MYT1L: variants seen among roughly 807,000 people sequenced by gnomAD.
MYT1L encodes the protein myelin transcription factor 1-like protein.
Under a neutral mutation model 126.7 loss-of-function variants are expected in MYT1L, and 12 were observed. The observed-to-expected ratio is 0.09, with a 90% CI of 0.06 to 0.15. The LOEUF (loss-of-function observed/expected upper bound fraction) is 0.15, where lower values mean the gene tolerates loss of function less well. MYT1L is among the 10% of genes least tolerant of loss of function. The pLI, the probability that MYT1L is intolerant of heterozygous loss-of-function variation, is 1.00. For synonymous variants in MYT1L, 541 were observed against 604.2 expected (o/e 0.90, Z 1.53); for missense variants, 979 against 1,585.2 (o/e 0.62, Z 6.49).
intron 2 of MYT1L, among the ~76,000 whole-genome samples, chr2:2,262,938 T>TA (rs2095021239): frequency 2.6e-5 from 1 of 37,954 alleles, no homozygotes; most frequent in Non-Finnish European, 5.0e-5. Flanking sequence ...ATATAACCTG[T>TA]GATATATATA....
intron 2 of MYT1L, among the ~76,000 whole-genome samples, chr2:2,210,967 G>A (rs748091295): frequency 6.6e-6 from 1 of 151,898 alleles, no homozygotes; most frequent in Admixed American, 6.6e-5. Context: ...TACTTCCTAT[G>A]TATTTAATTT....
At chr2:2,030,382 T>A (rs1480345789) in intron 4 of MYT1L, among the ~76,000 whole-genome samples, 4 of 152,066 alleles carry the variant, frequency 2.6e-5, no homozygotes, top group Admixed American at 2.6e-4. Context: ...CAGGCAGGAG[T>A]TTTAAATATA....
chr2:2,082,321 T>C (rs1429301215), intron 3 of MYT1L, among the ~76,000 whole-genome samples: 1 of 152,204 alleles, frequency 6.6e-6, no homozygotes, highest in African/African-American at 2.4e-5. Flanking sequence ...CTAACATTGT[T>C]TGAAGTTATG....
chr2:2,280,827 C>T (rs1157988016), intron 2 of MYT1L, among the ~76,000 whole-genome samples: 4 of 152,178 alleles, frequency 2.6e-5, no homozygotes, highest in Non-Finnish European at 4.4e-5. Context: ...AAATTTCATC[C>T]TAAAATATTG....
At chr2:2,064,534 A>G (rs1341458738) in intron 3 of MYT1L, among the ~76,000 whole-genome samples, 1 of 152,198 alleles carries the variant, frequency 6.6e-6, no homozygotes, top group Admixed American at 6.5e-5. Flanking sequence ...TCCCTGAGGG[A>G]GACTGAAAGT....
At chr2:2,199,568 C>T (rs971119575) in intron 2 of MYT1L, among the ~76,000 whole-genome samples, 6 of 152,146 alleles carry the variant, frequency 3.9e-5, no homozygotes, top group South Asian at 2.1e-4. Context: ...ACCCCGTCCT[C>T]GCATTTGATG....
chr2:1,956,654 A>G (rs918117363), intron 8 of MYT1L, among the ~76,000 whole-genome samples: 6 of 151,566 alleles, frequency 4.0e-5, no homozygotes, highest in Admixed American at 1.3e-4. Flanking sequence ...CTATTTATCT[A>G]TCTATCATCT....
At chr2:2,209,861 T>G (rs377101856) in intron 2 of MYT1L, among the ~76,000 whole-genome samples, 1 of 152,190 alleles carries the variant, frequency 6.6e-6, no homozygotes, top group African/African-American at 2.4e-5. Context: ...AGTAGTTTTT[T>G]GAGGAATCTC....
chr2:2,041,887 C>T (rs1403037458), intron 4 of MYT1L, among the ~76,000 whole-genome samples: 25 of 152,180 alleles, frequency 1.6e-4, no homozygotes, highest in Non-Finnish European at 2.9e-5. Flanking sequence ...TTCTTCCTTC[C>T]AGTGAGATTG....
intron 5 of MYT1L, among the ~76,000 whole-genome samples, chr2:1,986,638 G>A (rs968876737): frequency 2.6e-5 from 4 of 152,184 alleles, no homozygotes; most frequent in African/African-American, 9.7e-5. Context: ...ATGAAAAACA[G>A]GTTGCCCAAT....
intron 4 of MYT1L, among the ~76,000 whole-genome samples, chr2:2,033,737 C>T (rs1466339295): frequency 2.0e-5 from 3 of 152,162 alleles, no homozygotes; most frequent in Non-Finnish European, 2.9e-5. Context: ...GATTGGCAAT[C>T]CCCAGCTGTT....
chr2:1,943,273 C>G lies in MYT1L; in HGVS notation c.214G>C (p.Ala72Pro). The G allele has an allele frequency of 6.4e-7, 1 of 1,564,200 alleles. No individual in the cohort carries two copies. Among genetic ancestry groups the G allele is most frequent in the Non-Finnish European group, 8.7e-7 (1 of 1,153,488 alleles). Residue 72 changes from alanine (A) to proline (P), a missense_variant, in exon 9 of 25, where the codon GCT becomes CCT. Physicochemically the swap from Ala to Pro is conservative, Grantham distance 27. Around this residue, in one of 12 missense-constraint regions of MYT1L, gnomAD observed 111 missense variants for 115.9 expected, o/e 0.96. Transcript: ENST00000647738. This position sits in a 1 kb window ranked among gnomAD's most constrained non-coding sequence, Gnocchi z 4.4. ...KTQDKQPQEP[A>P]PKRKPFAVKA... The stretch of plus-strand genomic sequence containing the variant: ...ACGGCAAATGGCTTTCGTTTAGGAG[C>G]AGGTTCCTGGGGCTGTTTATCTTGT...
chr2:2,304,507 T>G (rs535695548), intron 1 of MYT1L, among the ~76,000 whole-genome samples: 20 of 152,338 alleles, frequency 1.3e-4, no homozygotes, highest in African/African-American at 4.6e-4. Flanking sequence ...ATCCTCTTCA[T>G]TTTTATTTAA....
chr2:2,064,065 A>C (rs536147225), intron 3 of MYT1L, among the ~76,000 whole-genome samples: 57 of 152,234 alleles, frequency 3.7e-4, no homozygotes, highest in Non-Finnish European at 6.9e-4. Flanking sequence ...CTTTAGACAC[A>C]CAGGTCAGTT....
chr2:1,821,806 C>T (rs1463511107), intron 21 of MYT1L, among the ~76,000 whole-genome samples: 1 of 152,174 alleles, frequency 6.6e-6, no homozygotes, highest in Non-Finnish European at 1.5e-5. Flanking sequence ...CGGAGCCACA[C>T]GGGACCAAGG....
intron 2 of MYT1L, among the ~76,000 whole-genome samples, chr2:2,230,407 G>A (rs2094132961): frequency 6.6e-6 from 1 of 152,180 alleles, no homozygotes; most frequent in African/African-American, 2.4e-5. Context: ...TAAGTAATAT[G>A]TGACGCCTGT....
In MYT1L at chr2:1,809,042, C is replaced by T. The variant is rs749921854; in HGVS notation, c.3172+34G>A. 3.1e-6 allele frequency: 5 copies of T among 1,605,672 alleles called. No homozygotes were observed. The African/African-American group carries it at 4.0e-5, about 13-fold the overall frequency. ...GGCCGTGCCCGCTGGGCCTTCCTGA[C>T]CATGGGTGCCACGAGGGCTGGAGGG... On this transcript the variant is annotated intron_variant, in intron 22 of 24. Transcript: ENST00000647738.
chr2:1,804,164 A>G (rs1045918670), intron 22 of MYT1L, among the ~76,000 whole-genome samples: 11 of 152,300 alleles, frequency 7.2e-5, no homozygotes, highest in Non-Finnish European at 1.3e-4. Context: ...CTTGTTGCCC[A>G]GGCTGGAGTG....
chr2:2,323,783 G>A (rs2096208497), intron 1 of MYT1L, among the ~76,000 whole-genome samples: 1 of 152,162 alleles, frequency 6.6e-6, no homozygotes, highest in Non-Finnish European at 1.5e-5. Context: ...AGAAACTTCA[G>A]TTCAATTTTC....
Sources: gnomAD v4.1 joint callset for allele counts (sites outside exome capture counted in the v4.1 genomes callset) on GRCh38, gnomAD v4.1.1 for gene constraint, gnomAD v4.1.1 regional missense constraint, Gnocchi (gnomAD v3.1) non-coding constraint, MANE v1.5 for transcripts, NCBI Gene and HGNC (gene_info 2026-07-23, HGNC 2026-07-21) for gene names.